RANBP17: variants seen among roughly 807,000 people sequenced by gnomAD.
RANBP17 encodes RAN binding protein 17, also known as ran-binding protein 17.
A neutral mutation model predicts 141.2 loss-of-function variants in RANBP17; 158 were observed. The ratio of observed to expected loss-of-function variants is 1.12; its 90% CI spans 0.98 to 1.28. RANBP17 has a LOEUF of 1.28. Among genes scored for constraint, RANBP17 ranks in the 50% most tolerant of loss-of-function variants. The probability of loss-of-function intolerance (pLI) is 0.00; values close to 1 mark genes in which losing one functional copy is unlikely to be tolerated. For synonymous variants in RANBP17, 430 were observed against 450.0 expected (o/e 0.96, Z 0.56); for missense variants, 1,438 against 1,290.7 (o/e 1.11, Z -1.75).
chr5:170,862,663 G>C (rs1018271748), intron 1 of RANBP17, among the ~76,000 whole-genome samples: 2 of 149,168 alleles, frequency 1.3e-5, no homozygotes, highest in Admixed American at 1.3e-4. Flanking sequence ...ACCCGGGCCG[G>C]GCGCGGGCGC....
In RANBP17 at chr5:171,299,592, C is replaced by T. The variant is rs1769017069; in HGVS notation, c.*734C>T. The T allele has an allele frequency of 4.3e-6, 1 of 231,986 alleles. No homozygotes were observed. Among genetic ancestry groups the T allele is most frequent in the Admixed American group, 5.6e-5 (1 of 17,732 alleles). The allele number at this position is 231,986 out of a possible 1,614,324, so 14.4% of individuals were successfully genotyped here. ...AGTCAGAAGTTCTGGGTGGTGCCAG[C>T]ACCCAGTCCTCTGCCTCCATTTAAT... On this transcript the variant is annotated 3_prime_UTR_variant, in exon 28 of 28. Transcript: ENST00000523189.
At chr5:171,172,240 C>T (rs1760146657) in intron 16 of RANBP17, among the ~76,000 whole-genome samples, 1 of 151,810 alleles carries the variant, frequency 6.6e-6, no homozygotes, top group Non-Finnish European at 1.5e-5. Context: ...ATTTAATATG[C>T]AACTTTTTAT....
intron 24 of RANBP17, chr5:171,252,871 G>A (rs1326634874): frequency 7.3e-7 from 1 of 1,372,294 alleles, no homozygotes; most frequent in Non-Finnish European, 1.0e-6. Context: ...GTTGTTTGAT[G>A]ACGACATTGT....
intron 21 of RANBP17, among the ~76,000 whole-genome samples, chr5:171,219,294 C>T (rs886069297): frequency 1.3e-5 from 2 of 152,150 alleles, no homozygotes; most frequent in African/African-American, 4.8e-5. Context: ...TTGTAGGTAA[C>T]CTGACCTCTC....
chr5:170,885,007 T>C (rs1769025509), intron 3 of RANBP17, among the ~76,000 whole-genome samples: 1 of 152,218 alleles, frequency 6.6e-6, no homozygotes, highest in Admixed American at 6.5e-5. Flanking sequence ...CTTTGATCTT[T>C]TTTTTCAAGT....
At chr5:171,073,119 A>G (rs1057037653) in intron 14 of RANBP17, among the ~76,000 whole-genome samples, 7 of 152,256 alleles carry the variant, frequency 4.6e-5, no homozygotes, top group Non-Finnish European at 8.8e-5. Flanking sequence ...GGGATGGTAG[A>G]TGGATTCTAT....
At chr5:171,034,083 G>C (rs1781718754) in intron 14 of RANBP17, among the ~76,000 whole-genome samples, 1 of 152,132 alleles carries the variant, frequency 6.6e-6, no homozygotes, top group Admixed American at 6.5e-5. Flanking sequence ...CTGCAGCCCA[G>C]CCTGGGCAAG....
chr5:171,121,513 T>G (rs1484795792), intron 14 of RANBP17, among the ~76,000 whole-genome samples: 7 of 152,226 alleles, frequency 4.6e-5, no homozygotes, highest in Non-Finnish European at 7.3e-5. Context: ...GTTGGCTGAT[T>G]CGCTGTTCTG....
chr5:170,907,669 TG>T (rs1771177653), intron 5 of RANBP17, among the ~76,000 whole-genome samples: 2 of 152,090 alleles, frequency 1.3e-5, no homozygotes, highest in Non-Finnish European at 2.9e-5. Context: ...TCAAAACTCA[TG>T]TGTTTTAAAA....
intron 1 of RANBP17, among the ~76,000 whole-genome samples, chr5:170,862,837 CTA>C (rs1766928077): frequency 6.6e-6 from 1 of 152,236 alleles, no homozygotes; most frequent in Non-Finnish European, 1.5e-5. Context: ...TGACATCTTA[CTA>C]TCCTCGCCCT....
chr5:170,898,318 A>G (rs4574559), intron 5 of RANBP17, among the ~76,000 whole-genome samples: 91,007 of 151,600 alleles, frequency 0.6, 28,984 homozygotes, highest in South Asian at 0.88. Context: ...TGTTGGCCAC[A>G]TAAGTGTCGT....
At chr5:170,879,188 A>C (rs1490983720) in intron 2 of RANBP17, among the ~76,000 whole-genome samples, 1 of 152,208 alleles carries the variant, frequency 6.6e-6, no homozygotes, top group Non-Finnish European at 1.5e-5. Context: ...ATAGATAGGT[A>C]CTGCTAAATA....
intron 14 of RANBP17, among the ~76,000 whole-genome samples, chr5:170,989,029 C>T (rs1269697687): frequency 6.6e-6 from 1 of 151,758 alleles, no homozygotes; most frequent in East Asian, 1.9e-4. Context: ...ACGTCAGTAA[C>T]TTTGGTATTT....
chr5:170,897,630 A>G (rs1770251276), intron 5 of RANBP17, among the ~76,000 whole-genome samples: 1 of 146,464 alleles, frequency 6.8e-6, no homozygotes, highest in Non-Finnish European at 1.5e-5. Flanking sequence ...CTCATTGTTC[A>G]GCTCTCACTT....
chr5:171,183,114 A>G (rs1760971588), intron 16 of RANBP17, 53 bp from the exon 17 acceptor site: 1 of 962,450 alleles, frequency 1.0e-6, no homozygotes, highest in Non-Finnish European at 1.7e-6. Context: ...TTTGTGATTT[A>G]TTACATACTG....
chr5:171,179,489 C>G lies in RANBP17; in HGVS notation c.1866-3678C>G, dbSNP rs373777287. Among the ~76,000 whole-genome samples the G allele has an allele frequency of 1.3e-3, 194 of 152,226 alleles. 9 individuals are homozygous for G. In the South Asian group the frequency reaches 0.039, roughly 30 times the overall value. ...ATAACCTAAGTACAGCAATTTCTGA[C>G]ATGTAATATTGTCATCTGTGAACTT... On this transcript the variant is annotated intron_variant, in intron 16 of 27. Coordinates refer to ENST00000523189, the MANE Select transcript of RANBP17 (RefSeq NM_022897.5).
intron 14 of RANBP17, among the ~76,000 whole-genome samples, chr5:171,047,014 CTT>C (rs35304788): frequency 0.021 from 2,097 of 97,684 alleles, 31 homozygotes; most frequent in African/African-American, 0.076. Context: ...TTTATTTTGC[CTT>C]TTTTTTTTTT....
chr5:171,034,459 C>T (rs903085616), intron 14 of RANBP17, among the ~76,000 whole-genome samples: 10 of 152,192 alleles, frequency 6.6e-5, no homozygotes, highest in African/African-American at 2.2e-4. Flanking sequence ...AAAAGGAAAG[C>T]TTAGAATTGG....
At chr5:170,889,011 CATTA>C (rs943476426) in intron 3 of RANBP17, among the ~76,000 whole-genome samples, 17 of 151,884 alleles carry the variant, frequency 1.1e-4, no homozygotes, top group African/African-American at 2.9e-4. Flanking sequence ...TGATGGATTA[CATTA>C]ATTAATTTTT....
Sources: gnomAD v4.1 joint callset for allele counts (sites outside exome capture counted in the v4.1 genomes callset) on GRCh38, gnomAD v4.1.1 for gene constraint, MANE v1.5 for transcripts, NCBI Gene and HGNC (gene_info 2026-07-23, HGNC 2026-07-21) for gene names.